GIGYF2: variants seen among roughly 807,000 people sequenced by gnomAD.
The protein encoded by GIGYF2 is GRB10-interacting GYF protein 2.
GIGYF2 carries 25 observed loss-of-function variants against 208.1 expected under a neutral mutation model. That is an observed-to-expected ratio of 0.12 (90% CI 0.09 to 0.17). The LOEUF (loss-of-function observed/expected upper bound fraction) is 0.17, where lower values mean the gene tolerates loss of function less well. Ranked by LOEUF, GIGYF2 falls within the 10% of genes least tolerant of loss-of-function variation. GIGYF2 has a pLI of 1.00. For missense variants in GIGYF2, 1,302 were observed against 1,579.4 expected (o/e 0.82, Z 2.98); for synonymous variants, 534 against 543.8 (o/e 0.98, Z 0.25).
chr2:232,776,178 T>A (rs1359960475), intron 8 of GIGYF2, among the ~76,000 whole-genome samples: 1 of 152,194 alleles, frequency 6.6e-6, no homozygotes, highest in African/African-American at 2.4e-5. Context: ...AAGGCCTTTA[T>A]CCTCTACTGA....
At chr2:232,815,792 A>G in intron 19 of GIGYF2, 55 bp downstream of exon 19, 1 of 911,232 alleles carries the variant, frequency 1.1e-6, no homozygotes, top group South Asian at 1.3e-5. Flanking sequence ...CAGGACATAA[A>G]CATTGCTGTT....
chr2:232,768,717 T>G (rs767510334), intron 8 of GIGYF2: 11 of 1,602,674 alleles, frequency 6.9e-6, no homozygotes, highest in Non-Finnish European at 9.4e-6. Flanking sequence ...GAAGATAAGA[T>G]TAGGTTTGCC....
chr2:232,836,322 A>T (rs1433973386), intron 22 of GIGYF2, among the ~76,000 whole-genome samples: 10 of 26,134 alleles, frequency 3.8e-4, no homozygotes, highest in African/African-American at 1.2e-3. Flanking sequence ...ATATATATAT[A>T]TATATATACA....
In GIGYF2 at chr2:232,751,250, A is replaced by T. The variant is rs144162336; in HGVS notation, c.267+2168A>T. On this transcript the variant is annotated intron_variant, in intron 5 of 28. Coordinates refer to ENST00000373563, the MANE Select transcript of GIGYF2 (RefSeq NM_001103146.3). ...GTCTCTTTGAGACTGAGTCTTGCTC[A>T]GTCACTCAGGCTGTAGTGCAGTGTC... Among the ~76,000 whole-genome samples the T allele has an allele frequency of 1.1e-4, 16 of 152,212 alleles. No individual in the cohort carries two copies. In the East Asian group the frequency reaches 3.1e-3, roughly 29 times the overall value.
At chr2:232,750,424 G>T (rs1034480218) in intron 5 of GIGYF2, among the ~76,000 whole-genome samples, 1 of 152,098 alleles carries the variant, frequency 6.6e-6, no homozygotes, top group Non-Finnish European at 1.5e-5. Context: ...CCCAGAGGCC[G>T]CAAGTGTTAG....
At position 232,791,283 on chromosome 2, in the gene GIGYF2, C is replaced by T; in HGVS notation, c.1119C>T (p.Thr373=). The part of the protein sequence containing the change: ...GVEASEETPQ[T]SSSSARPGTP... The stretch of plus-strand genomic sequence containing the variant: ...AAGCTAGTGAGGAAACTCCCCAGAC[C>T]TCATCATCATCTGCTAGACCAGGTA... The change falls in exon 12 of 29, where the codon ACC becomes ACT. Residue 373 remains threonine, a synonymous_variant. Coordinates refer to ENST00000373563, the MANE Select transcript of GIGYF2 (RefSeq NM_001103146.3). 6.2e-7 allele frequency: 1 copy of T among 1,614,024 alleles called. No individual in the cohort carries two copies. Among genetic ancestry groups the T allele is most frequent in the Non-Finnish European group, 8.5e-7 (1 of 1,179,926 alleles).
intron 18 of GIGYF2, among the ~76,000 whole-genome samples, chr2:232,813,350 TGGGTGTACGCTATCACACCTGAC>T (rs2106387439): frequency 9.3e-6 from 1 of 107,126 alleles, no homozygotes; most frequent in Non-Finnish European, 2.4e-5. Context: ...CACACCTGAC[TGGGTGTACGCTATCACACCTGAC>T]TAATTTTTGT....
chr2:232,786,612 A>G (rs1156589815), intron 8 of GIGYF2, among the ~76,000 whole-genome samples: 2 of 152,256 alleles, frequency 1.3e-5, no homozygotes, highest in Non-Finnish European at 2.9e-5. Context: ...CAGAATCACC[A>G]GTAGGTGTTG....
intron 8 of GIGYF2, among the ~76,000 whole-genome samples, chr2:232,773,594 G>T (rs940626908): frequency 6.6e-6 from 1 of 151,872 alleles, no homozygotes; most frequent in Non-Finnish European, 1.5e-5. Context: ...TGCCTTTCTT[G>T]CCCCTGAAAC....
intron 9 of GIGYF2, among the ~76,000 whole-genome samples, chr2:232,788,756 T>G (rs1699989534): frequency 6.6e-6 from 1 of 152,192 alleles, no homozygotes; most frequent in African/African-American, 2.4e-5. Flanking sequence ...AATATTTGAC[T>G]TTCATATCAT....
At chr2:232,733,193 C>G (rs963512232) in intron 2 of GIGYF2, among the ~76,000 whole-genome samples, 1 of 149,520 alleles carries the variant, frequency 6.7e-6, no homozygotes, top group Non-Finnish European at 1.5e-5. Flanking sequence ...GGAGGCGGAG[C>G]TTACAGTGAG....
intron 8 of GIGYF2, among the ~76,000 whole-genome samples, chr2:232,772,954 C>A (rs1699331310): frequency 6.6e-6 from 1 of 152,018 alleles, no homozygotes. Context: ...ATACAACTTT[C>A]TTTTGCTCTG....
chr2:232,840,023 A>G, intron 23 of GIGYF2, 52 bp downstream of exon 23: 5 of 1,562,572 alleles, frequency 3.2e-6, no homozygotes, highest in Non-Finnish European at 4.4e-6. Flanking sequence ...CAGAATATCT[A>G]GCATGCATTA....
At position 232,795,357 on chromosome 2, in the gene GIGYF2, G is replaced by A. The variant is rs192247192; in HGVS notation, c.1479+413G>A. On this transcript the variant is annotated intron_variant, in intron 13 of 28. Coordinates refer to ENST00000373563, the MANE Select transcript of GIGYF2 (RefSeq NM_001103146.3). ...TGTCTCTAAATTTCCCCAAGATTGT[G>A]TGTACCATTGTTATATGTAAAGTAA... is the stretch of plus-strand genomic sequence containing the variant. Among the ~76,000 whole-genome samples the A allele has an allele frequency of 1.8e-3, 277 of 152,272 alleles. 3 individuals carry two copies. Among genetic ancestry groups the A allele is most frequent in the Non-Finnish European group, 4.0e-4 (27 of 68,020 alleles).
intron 22 of GIGYF2, among the ~76,000 whole-genome samples, chr2:232,836,265 T>C (rs1289122013): frequency 2.7e-3 from 3 of 1,096 alleles, no homozygotes; most frequent in Non-Finnish European, 0.021. Flanking sequence ...CATCTCTACA[T>C]ATATATATAT....
At chr2:232,724,139 C>G (rs2106277994) in intron 2 of GIGYF2, among the ~76,000 whole-genome samples, 1 of 151,018 alleles carries the variant, frequency 6.6e-6, no homozygotes, top group South Asian at 2.1e-4. Context: ...CTTCCGGGTT[C>G]AAGTGATTCT....
At chr2:232,705,366 A>G (rs912549666) in intron 2 of GIGYF2, 1 of 151,998 alleles carries the variant, frequency 6.6e-6, no homozygotes, top group African/African-American at 2.4e-5. Context: ...ACTAAAGCAA[A>G]CTTTTTTAAT....
At chr2:232,847,872 A>T (rs1702075007) in intron 27 of GIGYF2, among the ~76,000 whole-genome samples, 1 of 152,236 alleles carries the variant, frequency 6.6e-6, no homozygotes, top group Non-Finnish European at 1.5e-5. Context: ...TCTGGTTTTG[A>T]AAAGTTAAAA....
rs762749731 is a variant in GIGYF2 at position 232,791,176 on chromosome 2, G to C, written c.1093+6G>C. On this transcript the variant is annotated splice_donor_region_variant and intron_variant, in intron 11 of 28. Coordinates refer to ENST00000373563, the MANE Select transcript of GIGYF2 (RefSeq NM_001103146.3). Reference sequence around the variant, plus strand: ...AACAGATAGAGTAGGAGTTGGTAAGGCCTCTTCTTGCCCTTTGCCTTTTTT... The same window carrying C: ...AACAGATAGAGTAGGAGTTGGTAAGCCCTCTTCTTGCCCTTTGCCTTTTTT... The C allele has an allele frequency of 6.2e-7, 1 of 1,613,948 alleles. No individual in the cohort carries two copies.
Sources: allele counts gnomAD v4.1 joint callset (sites outside exome capture counted in the v4.1 genomes callset), GRCh38; gene constraint gnomAD v4.1.1; transcripts MANE v1.5; gene names NCBI Gene and HGNC (gene_info 2026-07-23, HGNC 2026-07-21).